The following KBTBD12 variants were observed in gnomAD, a reference collection of about 807,000 sequenced individuals.
The protein encoded by KBTBD12 is kelch repeat and BTB domain-containing protein 12.
KBTBD12 carries 53 observed loss-of-function variants against 58.7 expected under a neutral mutation model. The observed-to-expected ratio is 0.90, with a 90% CI of 0.72 to 1.14. The LOEUF is 1.14. Among genes scored for constraint, KBTBD12 ranks in the 50% most tolerant of loss-of-function variants. KBTBD12 has a pLI of 0.00. For missense variants in KBTBD12, 704 were observed against 751.3 expected (o/e 0.94, Z 0.74); for synonymous variants, 236 against 259.8 (o/e 0.91, Z 0.88).
intron 1 of KBTBD12, among the ~76,000 whole-genome samples, chr3:127,916,870 C>T (rs937230813): frequency 1.3e-5 from 2 of 152,096 alleles, no homozygotes; most frequent in Admixed American, 6.5e-5. Context: ...TAGTGCATCA[C>T]GCTATAAGCA....
chr3:127,917,455 G>C (rs1253793770), intron 1 of KBTBD12, among the ~76,000 whole-genome samples: 3 of 152,176 alleles, frequency 2.0e-5, no homozygotes, highest in Non-Finnish European at 4.4e-5. Flanking sequence ...TCCAAACCTT[G>C]TCCTTTTGGG....
At chr3:127,927,469 C>A (rs1939600031) in intron 2 of KBTBD12, among the ~76,000 whole-genome samples, 1 of 151,952 alleles carries the variant, frequency 6.6e-6, no homozygotes, top group Admixed American at 6.6e-5. Context: ...TCTTGATTTT[C>A]TTTCCCAGAA....
At chr3:127,966,480 G>A (rs1368132623) in intron 5 of KBTBD12, among the ~76,000 whole-genome samples, 1 of 152,054 alleles carries the variant, frequency 6.6e-6, no homozygotes, top group Admixed American at 6.6e-5. Flanking sequence ...AACAGGAAAA[G>A]GATATTTAAA....
chr3:127,948,995 A>G (rs1429720867), intron 4 of KBTBD12, among the ~76,000 whole-genome samples: 1 of 152,208 alleles, frequency 6.6e-6, no homozygotes, highest in Non-Finnish European at 1.5e-5. Context: ...ACAGAACACT[A>G]ATGGGGTAAA....
At chr3:127,974,573 A>T (rs1940743867) in intron 5 of KBTBD12, among the ~76,000 whole-genome samples, 2 of 152,044 alleles carry the variant, frequency 1.3e-5, no homozygotes, top group Non-Finnish European at 2.9e-5. Flanking sequence ...AATCCTGGAG[A>T]CTCACCACAT....
chr3:127,963,896 GAA>G (rs1378613291), intron 5 of KBTBD12, among the ~76,000 whole-genome samples: 1 of 152,192 alleles, frequency 6.6e-6, no homozygotes, highest in Non-Finnish European at 1.5e-5. Context: ...TCAAGACTCA[GAA>G]AACTCTCTTA....
At chr3:127,971,563 A>G (rs1174901463) in intron 5 of KBTBD12, among the ~76,000 whole-genome samples, 1 of 152,080 alleles carries the variant, frequency 6.6e-6, no homozygotes. Flanking sequence ...GGGTCCCCCC[A>G]TTCCCTACTA....
At chr3:127,979,467 A>G (rs1010358652) in intron 5 of KBTBD12, among the ~76,000 whole-genome samples, 1 of 152,228 alleles carries the variant, frequency 6.6e-6, no homozygotes, top group Non-Finnish European at 1.5e-5. Flanking sequence ...TGATTTTTTA[A>G]AACTAAAGCA....
chr3:127,919,300 G>T (rs1939340501), intron 1 of KBTBD12, among the ~76,000 whole-genome samples: 1 of 152,062 alleles, frequency 6.6e-6, no homozygotes, highest in Non-Finnish European at 1.5e-5. Context: ...GCACGATCTT[G>T]GCTCACTGCA....
chr3:127,936,117 G>C (rs552204516), intron 4 of KBTBD12, among the ~76,000 whole-genome samples: 9 of 152,328 alleles, frequency 5.9e-5, no homozygotes, highest in African/African-American at 2.2e-4. Context: ...TGTAATCTCA[G>C]CACTTTGGGA....
intron 5 of KBTBD12, among the ~76,000 whole-genome samples, chr3:127,982,494 G>T (rs1940890516): frequency 6.6e-6 from 1 of 152,120 alleles, no homozygotes; most frequent in Non-Finnish European, 1.5e-5. Context: ...AAACCAGCCA[G>T]TCCTAAGGTG....
chr3:127,974,184 C>T lies in KBTBD12; in HGVS notation c.1691-9913C>T, dbSNP rs536775156. Among the ~76,000 whole-genome samples, 22 of 152,278 alleles carry T rather than the reference C, an allele frequency of 1.4e-4. No homozygotes were observed. The East Asian group carries it at 4.2e-3, about 29-fold the overall frequency. ...TGCAGAGAGCAATTATATCAGCAAA[C>T]CTAAGCTAAGAAACATTTCCAGAAT... On this transcript the variant is annotated intron_variant, in intron 5 of 5. Transcript: ENST00000405109.
At chr3:127,958,029 C>T (rs1485408180) in intron 4 of KBTBD12, among the ~76,000 whole-genome samples, 3 of 152,064 alleles carry the variant, frequency 2.0e-5, no homozygotes, top group Admixed American at 6.5e-5. Context: ...CCATTCTAGG[C>T]GGAGAGATCA....
chr3:127,927,479 A>G (rs993832492), intron 2 of KBTBD12, among the ~76,000 whole-genome samples: 1 of 152,166 alleles, frequency 6.6e-6, no homozygotes, highest in Non-Finnish European at 1.5e-5. Context: ...CTTTCCCAGA[A>G]TTAGAAAATG....
At chr3:127,931,640 T>C (rs1460612926) in intron 4 of KBTBD12, among the ~76,000 whole-genome samples, 1 of 152,156 alleles carries the variant, frequency 6.6e-6, no homozygotes, top group Non-Finnish European at 1.5e-5. Flanking sequence ...GATAATATAT[T>C]GTTTGATAAA....
chr3:127,963,185 G>A lies in KBTBD12; in HGVS notation c.1493-4G>A. 2 of 1,593,980 alleles carry A rather than the reference G, an allele frequency of 1.3e-6. No homozygotes were observed. The highest frequency in any genetic ancestry group is 1.7e-6 in the Non-Finnish European group (2 of 1,169,118). On this transcript the variant is annotated splice_region_variant and splice_polypyrimidine_tract_variant and intron_variant, in intron 4 of 5. Transcript: ENST00000405109. ...CTCTCATTTCTCCACATAATTCTCT[G>A]CAGGTGGCATTGGCTGTGTAGGTCA...
At chr3:127,938,250 A>G (rs1040125833) in intron 4 of KBTBD12, among the ~76,000 whole-genome samples, 1 of 152,180 alleles carries the variant, frequency 6.6e-6, no homozygotes, top group Non-Finnish European at 1.5e-5. Flanking sequence ...CAGTGATAAA[A>G]TAGTAAAAGA....
At position 127,915,420 on chromosome 3, in the gene KBTBD12, T is replaced by A. The variant is rs910254841; in HGVS notation, c.-279T>A. 1 of 152,628 alleles carries A rather than the reference T, an allele frequency of 6.6e-6. No homozygotes were observed. Among genetic ancestry groups the A allele is most frequent in the Non-Finnish European group, 1.5e-5 (1 of 68,412 alleles). 9.5% of individuals were successfully genotyped at this position (152,628 alleles called of 1,614,324 possible). A position where few individuals can be genotyped will look rare whatever the true frequency, so the allele number is the denominator to read the frequency against. On this transcript the variant is annotated 5_prime_UTR_variant, in exon 1 of 6. Transcript: ENST00000405109. The stretch of plus-strand genomic sequence containing the variant: ...TCGGAGGCGCTGCCAGCGCCCTCCC[T>A]CCTCCTCCGCAGGGCGCGGGACCTC...
chr3:127,922,887 C>T (rs1346744771), intron 1 of KBTBD12, 63 bp from the exon 2 acceptor site: 1 of 533,678 alleles, frequency 1.9e-6, no homozygotes, highest in Non-Finnish European at 3.3e-6. Flanking sequence ...AGAACTAATG[C>T]TGCATATCTA....
Sources: gnomAD v4.1 joint callset for allele counts (sites outside exome capture counted in the v4.1 genomes callset) on GRCh38, gnomAD v4.1.1 for gene constraint, MANE v1.5 for transcripts, NCBI Gene and HGNC (gene_info 2026-07-23, HGNC 2026-07-21) for gene names.